Variants in ITGBL1 observed in about 807,000 individuals in gnomAD.
ITGBL1 encodes integrin beta-like protein 1.
In ITGBL1, 51 loss-of-function variants were observed where a neutral mutation model predicts 68.5. The ratio of observed to expected loss-of-function variants is 0.74; its 90% confidence interval spans 0.59 to 0.94. The LOEUF (loss-of-function observed/expected upper bound fraction) is 0.94. Among genes scored for constraint, ITGBL1 ranks in the 40% least tolerant of loss-of-function variants. ITGBL1 has a pLI of 0.00. For missense variants in ITGBL1, 649 were observed against 647.4 expected, an observed-to-expected ratio of 1.00 and a Z score of -0.03; for synonymous variants, 209 against 227.3, an observed-to-expected ratio of 0.92 and a Z score of 0.72.
chr13:101,681,410 A>T (rs568074345), intron 7 of ITGBL1, among the ~76,000 whole-genome samples: 1 of 152,240 alleles, frequency 6.6e-6, no homozygotes, highest in African/African-American at 2.4e-5. Context: ...ACAGATTTTC[A>T]CCCTTTCACA....
intron 7 of ITGBL1, among the ~76,000 whole-genome samples, chr13:101,663,972 G>C (rs1356235054): frequency 6.6e-6 from 1 of 152,152 alleles, no homozygotes; most frequent in Non-Finnish European, 1.5e-5. Context: ...CAGATTTATT[G>C]TCATAATAAT....
intron 2 of ITGBL1, among the ~76,000 whole-genome samples, chr13:101,462,284 CT>C (rs2048328063): frequency 1.3e-5 from 2 of 152,212 alleles, no homozygotes; most frequent in African/African-American, 2.4e-5. Flanking sequence ...CCAGGATAAG[CT>C]TCCCATCCAA....
intron 7 of ITGBL1, among the ~76,000 whole-genome samples, chr13:101,605,925 CAT>C (rs36149172): frequency 0.19 from 28,240 of 146,810 alleles, 2,907 homozygotes; most frequent in Admixed American, 0.25. Flanking sequence ...CATATATAGA[CAT>C]ATGTATGCGT....
At chr13:101,671,422 C>CTTTGTTTCTTTT (rs1566784365) in intron 7 of ITGBL1, among the ~76,000 whole-genome samples, 59 of 118,002 alleles carry the variant, frequency 5.0e-4, no homozygotes, top group African/African-American at 1.6e-3. Context: ...AAAAGTATAC[C>CTTTGTTTCTTTT]TTTGTTTTTT....
chr13:101,529,478 G>T (rs1691995574), intron 2 of ITGBL1, among the ~76,000 whole-genome samples: 1 of 152,200 alleles, frequency 6.6e-6, no homozygotes, highest in African/African-American at 2.4e-5. Context: ...TGGGCATCCA[G>T]AAAGAACAGT....
chr13:101,689,229 A>AAAAAAAAAAAAAAAAAAAAAAAAAAG (rs1566791725), intron 7 of ITGBL1, among the ~76,000 whole-genome samples: 1 of 149,256 alleles, frequency 6.7e-6, no homozygotes, highest in Non-Finnish European at 1.5e-5. Context: ...AAAAAAAAAA[A>AAAAAAAAAAAAAAAAAAAAAAAAAAG]AAAATTATGA....
At chr13:101,620,281 AAGTT>A (rs1360860720) in intron 7 of ITGBL1, among the ~76,000 whole-genome samples, 2 of 152,194 alleles carry the variant, frequency 1.3e-5, no homozygotes, top group Admixed American at 1.3e-4. Context: ...CAAAAGTACA[AAGTT>A]AGTTAAGGTG....
intron 5 of ITGBL1, among the ~76,000 whole-genome samples, chr13:101,580,899 C>G (rs1019304154): frequency 6.6e-6 from 1 of 152,164 alleles, no homozygotes; most frequent in African/African-American, 2.4e-5. Context: ...AGCATTCTGA[C>G]CTGGAGCTAT....
At chr13:101,471,907 C>T (rs936129847) in intron 2 of ITGBL1, among the ~76,000 whole-genome samples, 8 of 152,094 alleles carry the variant, frequency 5.3e-5, no homozygotes, top group Non-Finnish European at 1.2e-4. Context: ...AAGGGATATT[C>T]AAATATTCAG....
At position 101,715,848 on chromosome 13, in the gene ITGBL1, GA is replaced by G. The variant is rs954673673; in HGVS notation, c.*202del. ...GCAAATTTAGATGCAAATAACATTA[GA>G]AAAAAAAGATTCTTCCATAATTAAC... On this transcript the variant is annotated 3_prime_UTR_variant, in exon 11 of 11. Coordinates refer to ENST00000376180, the MANE Select transcript of ITGBL1 (RefSeq NM_004791.3). The G allele has an allele frequency of 4.2e-5, 19 of 453,652 alleles. No homozygotes were observed. The highest frequency in any genetic ancestry group is 1.6e-4 in the African/African-American group (8 of 49,644). The allele number at this position is 453,652 out of a possible 1,614,324, so 28.1% of individuals were successfully genotyped here.
In ITGBL1 at chr13:101,472,022, C is replaced by G. The variant is rs541017718; in HGVS notation, c.316+17922C>G. Among the ~76,000 whole-genome samples, 99 of 151,078 alleles carry G rather than the reference C, an allele frequency of 6.6e-4. 1 individual carries two copies. The highest frequency in any genetic ancestry group is 2.3e-3 in the African/African-American group (96 of 41,048). On this transcript the variant is annotated intron_variant, in intron 2 of 10. Transcript: ENST00000376180. Reference sequence around the variant, plus strand: ...TAAGTATAACCATATTAATCAATTACATAGTAAATTATATTGACATCATAA... The same window carrying G: ...TAAGTATAACCATATTAATCAATTAGATAGTAAATTATATTGACATCATAA...
chr13:101,669,051 TTTTAA>T (rs1566783531), intron 7 of ITGBL1, among the ~76,000 whole-genome samples: 1 of 152,050 alleles, frequency 6.6e-6, no homozygotes, highest in Admixed American at 6.6e-5. Flanking sequence ...GAGTTAAACC[TTTTAA>T]TTAATATATG....
At chr13:101,514,114 C>A (rs1219626540) in intron 2 of ITGBL1, among the ~76,000 whole-genome samples, 3 of 152,032 alleles carry the variant, frequency 2.0e-5, no homozygotes, top group Non-Finnish European at 4.4e-5. Context: ...AATGAAGACA[C>A]ATTCTAAAGT....
chr13:101,690,638 T>A (rs568642623), intron 7 of ITGBL1, among the ~76,000 whole-genome samples: 1 of 152,128 alleles, frequency 6.6e-6, no homozygotes, highest in Non-Finnish European at 1.5e-5. Flanking sequence ...GATTAGAGCA[T>A]TTATGCACAT....
chr13:101,619,287 T>C (rs145745076), intron 7 of ITGBL1, among the ~76,000 whole-genome samples: 178 of 152,076 alleles, frequency 1.2e-3, no homozygotes, highest in African/African-American at 4.1e-3. Flanking sequence ...AAAAGGGACT[T>C]ATGATTGCTA....
Position 101,538,785 on chromosome 13 carries a change from A to T in ITGBL1, c.317-28914A>T, listed in dbSNP as rs543967668. 2.8e-4 allele frequency among the ~76,000 whole-genome samples: 42 copies of T among 152,282 alleles called. 3 individuals carry two copies. In the East Asian group the frequency reaches 4.6e-3, roughly 17 times the overall value. On this transcript the variant is annotated intron_variant, in intron 2 of 10. Coordinates refer to ENST00000376180, the MANE Select transcript of ITGBL1 (RefSeq NM_004791.3). Reference sequence around the variant, plus strand: ...GGAAAATTACATGAGAGCAGAGATAAGTTCTTTTTTAAAAGGATTTAAGAA... The same window carrying T: ...GGAAAATTACATGAGAGCAGAGATATGTTCTTTTTTAAAAGGATTTAAGAA...
At chr13:101,640,621 A>G (rs569930404) in intron 7 of ITGBL1, among the ~76,000 whole-genome samples, 4 of 152,212 alleles carry the variant, frequency 2.6e-5, no homozygotes, top group African/African-American at 9.6e-5. Flanking sequence ...ATTTTATTTT[A>G]AAACCTTCAA....
intron 7 of ITGBL1, among the ~76,000 whole-genome samples, chr13:101,663,203 A>G (rs967656816): frequency 3.9e-5 from 6 of 152,214 alleles, no homozygotes; most frequent in African/African-American, 1.4e-4. Flanking sequence ...TGTCTTTGGG[A>G]AAAAATGCAA....
chr13:101,640,011 C>A (rs1314052491), intron 7 of ITGBL1, among the ~76,000 whole-genome samples: 1 of 152,258 alleles, frequency 6.6e-6, no homozygotes, highest in East Asian at 1.9e-4. Flanking sequence ...CTGTCATGGG[C>A]AGAAGCTCTG....
Sources: allele counts gnomAD v4.1 joint callset (sites outside exome capture counted in the v4.1 genomes callset), GRCh38; gene constraint gnomAD v4.1.1; transcripts MANE v1.5; gene names NCBI Gene and HGNC (gene_info 2026-07-23, HGNC 2026-07-21).